Variants in PRRX2 observed in about 807,000 individuals in gnomAD.
The protein encoded by PRRX2 is paired mesoderm homeobox protein 2.
A neutral mutation model predicts 18.0 loss-of-function variants in PRRX2; 11 were observed. The ratio of observed to expected loss-of-function variants is 0.61; its 90% CI spans 0.39 to 1.01. The LOEUF (loss-of-function observed/expected upper bound fraction) is 1.01. Among genes scored for constraint, PRRX2 ranks in the 50% least tolerant of loss-of-function variants. The pLI, the probability that PRRX2 is intolerant of heterozygous loss-of-function variation, is 0.01. For missense variants in PRRX2, 387 were observed against 351.0 expected, an observed-to-expected ratio of 1.10 and a Z score of -0.82; for synonymous variants, 177 against 154.8, an observed-to-expected ratio of 1.14 and a Z score of -1.06.
chr9:129,693,026 G>A (rs937457469), intron 1 of PRRX2, among the ~76,000 whole-genome samples: 1 of 152,206 alleles, frequency 6.6e-6, no homozygotes, highest in East Asian at 1.9e-4. Flanking sequence ...CAGTGGATGA[G>A]AGTTCCTGTT....
chr9:129,685,353 T>A (rs981859560), intron 1 of PRRX2, among the ~76,000 whole-genome samples: 1 of 152,198 alleles, frequency 6.6e-6, no homozygotes. Flanking sequence ...ACTCACTGTT[T>A]GTTCATTTCC....
rs992230027 is a variant in PRRX2 at position 129,671,981 on chromosome 9, T to C, written c.259+5855T>C. Among the ~76,000 whole-genome samples, 2 of 152,052 alleles carry C rather than the reference T, an allele frequency of 1.3e-5. No homozygotes were observed. Among genetic ancestry groups the C allele is most frequent in the Non-Finnish European group, 2.9e-5 (2 of 68,004 alleles). Reference sequence around the variant, plus strand: ...CAGCACGGAACGGGCTCTGTGCCTATGTTAGGCGTTTCTGAGTAGGTGGGG... The same window carrying C: ...CAGCACGGAACGGGCTCTGTGCCTACGTTAGGCGTTTCTGAGTAGGTGGGG... On this transcript the variant is annotated intron_variant, in intron 1 of 3. Transcript: ENST00000372469. The surrounding 1 kb of genome is among the most constrained non-coding windows in gnomAD (Gnocchi z 4.0).
At chr9:129,696,765 AG>A (rs1393224712) in intron 1 of PRRX2, among the ~76,000 whole-genome samples, 2 of 152,102 alleles carry the variant, frequency 1.3e-5, no homozygotes, top group African/African-American at 4.8e-5. Context: ...CTTGGGTGGG[AG>A]GACCCTCGCT....
At chr9:129,668,756 G>C (rs1397488885) in intron 1 of PRRX2, among the ~76,000 whole-genome samples, 1 of 132,936 alleles carries the variant, frequency 7.5e-6, no homozygotes, top group Non-Finnish European at 1.5e-5. Context: ...TCCAGCCTGG[G>C]CAACAGAATG....
At chr9:129,704,972 T>G (rs1832539166) in intron 1 of PRRX2, among the ~76,000 whole-genome samples, 1 of 152,128 alleles carries the variant, frequency 6.6e-6, no homozygotes, top group African/African-American at 2.4e-5. Context: ...GAGGGCAGCT[T>G]TCCTCCCGAT....
intron 1 of PRRX2, among the ~76,000 whole-genome samples, chr9:129,693,575 G>T (rs1322483802): frequency 6.7e-6 from 1 of 149,202 alleles, no homozygotes; most frequent in South Asian, 2.1e-4. Flanking sequence ...TCCAGCCTGG[G>T]CGACAAGAGC....
intron 1 of PRRX2, among the ~76,000 whole-genome samples, chr9:129,674,924 G>C (rs1290215853): frequency 6.6e-6 from 1 of 152,152 alleles, no homozygotes. Flanking sequence ...GTCCCACCCT[G>C]ACCCACCGGA....
chr9:129,694,358 T>G (rs1045926719), intron 1 of PRRX2, among the ~76,000 whole-genome samples: 7 of 152,206 alleles, frequency 4.6e-5, no homozygotes, highest in Non-Finnish European at 8.8e-5. Context: ...CTAACTTGTG[T>G]ATTTTTAGTA....
chr9:129,665,779 C>T lies in PRRX2; in HGVS notation c.-89C>T. 1.1e-6 allele frequency: 1 copy of T among 907,222 alleles called. No homozygotes were observed. Among genetic ancestry groups the T allele is most frequent in the East Asian group, 1.1e-4 (1 of 8,966 alleles). 56.2% of individuals were successfully genotyped at this position (907,222 alleles called of 1,614,324 possible). A position where few individuals can be genotyped will look rare whatever the true frequency, so the allele number is the denominator to read the frequency against. On this transcript the variant is annotated 5_prime_UTR_variant, in exon 1 of 4. Coordinates refer to ENST00000372469, the MANE Select transcript of PRRX2 (RefSeq NM_016307.4). The surrounding 1 kb of genome is among the most constrained non-coding windows in gnomAD (Gnocchi z 5.3). ...GGGAGCTGGGCAGAGCGCGGGGCGG[C>T]CGGGGCTCTCGCTCCGACCCGCGCC...
At chr9:129,703,764 C>T (rs562088725) in intron 1 of PRRX2, among the ~76,000 whole-genome samples, 27 of 152,334 alleles carry the variant, frequency 1.8e-4, no homozygotes, top group Non-Finnish European at 2.9e-4. Context: ...ACACTCAGGA[C>T]GCCATTGGAG....
chr9:129,694,808 G>C (rs78700011), intron 1 of PRRX2, among the ~76,000 whole-genome samples: 6,820 of 152,224 alleles, frequency 0.045, 425 homozygotes, highest in East Asian at 0.35. Context: ...GAGTCCATGG[G>C]GGGCAGCGGA....
chr9:129,716,868 G>A (rs546541817), intron 1 of PRRX2, among the ~76,000 whole-genome samples: 1 of 152,304 alleles, frequency 6.6e-6, no homozygotes, highest in African/African-American at 2.4e-5. Flanking sequence ...AATGGTTCCT[G>A]AAGGTAGGGG....
chr9:129,721,942 G>A (rs1832797921), intron 3 of PRRX2, among the ~76,000 whole-genome samples: 2 of 152,110 alleles, frequency 1.3e-5, no homozygotes, highest in Admixed American at 1.3e-4. Context: ...TGAGAGCCAG[G>A]CCCAGGGTAC....
intron 1 of PRRX2, among the ~76,000 whole-genome samples, chr9:129,714,038 C>G (rs1423185250): frequency 2.0e-5 from 3 of 146,468 alleles, no homozygotes; most frequent in Non-Finnish European, 4.4e-5. Context: ...ATTGGTAGCT[C>G]ACGCCTGTAA....
chr9:129,692,912 C>T (rs1377251484), intron 1 of PRRX2, among the ~76,000 whole-genome samples: 1 of 152,174 alleles, frequency 6.6e-6, no homozygotes, highest in Non-Finnish European at 1.5e-5. Flanking sequence ...GGGTAGGAAC[C>T]AAGGAGTGTG....
At position 129,709,116 on chromosome 9, in the gene PRRX2, C is replaced by G. The variant is rs1202722952; in HGVS notation, c.260-10115C>G. On this transcript the variant is annotated intron_variant, in intron 1 of 3. Coordinates refer to ENST00000372469, the MANE Select transcript of PRRX2 (RefSeq NM_016307.4). The surrounding 1 kb of genome is among the most constrained non-coding windows in gnomAD (Gnocchi z 4.2). ...AAATCCAGGGCTGGGTCAGCTTTAG[C>G]CAGTGCGGTGGGGATGGGGGAAGGG... Among the ~76,000 whole-genome samples, 2 of 151,990 alleles carry G rather than the reference C, an allele frequency of 1.3e-5. No individual in the cohort carries two copies. Among genetic ancestry groups the G allele is most frequent in the Non-Finnish European group, 2.9e-5 (2 of 67,986 alleles).
At chr9:129,666,580 C>A (rs796584203) in intron 1 of PRRX2, among the ~76,000 whole-genome samples, 1 of 144,576 alleles carries the variant, frequency 6.9e-6, no homozygotes, top group Non-Finnish European at 1.5e-5. Flanking sequence ...CACCCCCCCC[C>A]ACCCTCCAGT....
rs1372154801 is a variant in PRRX2, at chr9:129,675,303, C to G, written c.259+9177C>G. Among the ~76,000 whole-genome samples, 1 of 152,198 alleles carries G rather than the reference C, an allele frequency of 6.6e-6. No individual in the cohort carries two copies. The highest frequency in any genetic ancestry group is 1.5e-5 in the Non-Finnish European group (1 of 68,014). ...GCATCCATTGAGCACCTACTGAGTACCAGCCCAAGGCAGCCCAGGGGCGTG... is the reference window on the plus strand; with the variant it reads ...GCATCCATTGAGCACCTACTGAGTAGCAGCCCAAGGCAGCCCAGGGGCGTG... On this transcript the variant is annotated intron_variant, in intron 1 of 3. Transcript: ENST00000372469. This position sits in a 1 kb window ranked among gnomAD's most constrained non-coding sequence, Gnocchi z 4.4.
At chr9:129,701,126 G>T (rs1174674092) in intron 1 of PRRX2, among the ~76,000 whole-genome samples, 1 of 152,232 alleles carries the variant, frequency 6.6e-6, no homozygotes, top group African/African-American at 2.4e-5. Context: ...AGAGGGGAAG[G>T]GCTGTGAGGC....
Sources: gnomAD v4.1 joint callset for allele counts (sites outside exome capture counted in the v4.1 genomes callset) on GRCh38, gnomAD v4.1.1 for gene constraint, Gnocchi (gnomAD v3.1) non-coding constraint, MANE v1.5 for transcripts, NCBI Gene and HGNC (gene_info 2026-07-23, HGNC 2026-07-21) for gene names.